USH2A: variants seen among roughly 807,000 people sequenced by gnomAD.
The protein encoded by USH2A is Usher syndrome 2A (autosomal recessive, mild).
USH2A carries 443 observed loss-of-function variants against 538.9 expected under a neutral mutation model. The ratio of observed to expected loss-of-function variants is 0.82; its 90% CI spans 0.76 to 0.89. The LOEUF (loss-of-function observed/expected upper bound fraction) is 0.89, where lower values mean the gene tolerates loss of function less well. USH2A is among the 40% of genes least tolerant of loss of function. The probability of loss-of-function intolerance (pLI) is 0.00; values close to 1 mark genes in which losing one functional copy is unlikely to be tolerated. For missense variants in USH2A, 6,633 were observed against 6,324.8 expected (o/e 1.05, Z -1.65); for synonymous variants, 2,413 against 2,273.5 (o/e 1.06, Z -1.75).
chr1:216,239,999 A>G (rs1346266223), intron 13 of USH2A, among the ~76,000 whole-genome samples: 1 of 117,398 alleles, frequency 8.5e-6, no homozygotes, highest in Non-Finnish European at 1.7e-5. Context: ...TGAAATCCCC[A>G]GAGATGAAAT....
intron 4 of USH2A, among the ~76,000 whole-genome samples, chr1:216,360,123 C>G (rs2038463497): frequency 6.6e-6 from 1 of 152,210 alleles, no homozygotes; most frequent in South Asian, 2.1e-4. Context: ...TTTATAGCAA[C>G]TTTACTCATA....
At chr1:216,226,303 T>G (rs1335208546) in intron 14 of USH2A, among the ~76,000 whole-genome samples, 1 of 152,208 alleles carries the variant, frequency 6.6e-6, no homozygotes, top group Non-Finnish European at 1.5e-5. Context: ...TACTTTACAT[T>G]GCAAAATACA....
At chr1:215,690,760 A>G (rs1468758002) in intron 61 of USH2A, among the ~76,000 whole-genome samples, 1 of 151,864 alleles carries the variant, frequency 6.6e-6, no homozygotes, top group Admixed American at 6.6e-5. Flanking sequence ...TCTACTCATT[A>G]GGAAATAGGA....
In USH2A at chr1:215,775,610, C is replaced by T. The variant is rs115153373; in HGVS notation, c.10939+4233G>A. ...TTAGAATAAAATGTGATAATTACTA[C>T]GAGAGCAAAGATAATATGGGAACAC... On this transcript the variant is annotated intron_variant, in intron 55 of 71. Coordinates refer to ENST00000307340, the MANE Select transcript of USH2A (RefSeq NM_206933.4). Among the ~76,000 whole-genome samples, 1,017 of 152,204 alleles carry T rather than the reference C, an allele frequency of 6.7e-3. 7 individuals carry two copies. The highest frequency in any genetic ancestry group is 0.023 in the African/African-American group (957 of 41,522).
chr1:216,307,300 G>T (rs943208330), intron 9 of USH2A, among the ~76,000 whole-genome samples: 10 of 152,034 alleles, frequency 6.6e-5, no homozygotes, highest in African/African-American at 2.4e-4. Context: ...TTTCTAGGGG[G>T]ATTATGGCTG....
chr1:215,908,927 C>T (rs1295402809), intron 38 of USH2A, among the ~76,000 whole-genome samples: 1 of 150,812 alleles, frequency 6.6e-6, no homozygotes, highest in African/African-American at 2.4e-5. Flanking sequence ...GAGTGGTCCA[C>T]TTCCCAGTAT....
chr1:216,235,609 C>T (rs2035794534), intron 13 of USH2A, among the ~76,000 whole-genome samples: 2 of 152,160 alleles, frequency 1.3e-5, no homozygotes. Flanking sequence ...AGCAAGGCAG[C>T]TGGTATTATC....
At chr1:215,694,878 G>A (rs891966579) in intron 61 of USH2A, among the ~76,000 whole-genome samples, 1 of 152,130 alleles carries the variant, frequency 6.6e-6, no homozygotes, top group Non-Finnish European at 1.5e-5. Flanking sequence ...ATCATCTCAA[G>A]AGAAAAATTC....
At chr1:216,177,659 T>A (rs2034416801) in intron 20 of USH2A, among the ~76,000 whole-genome samples, 1 of 152,122 alleles carries the variant, frequency 6.6e-6, no homozygotes, top group Non-Finnish European at 1.5e-5. Context: ...TTTCAGGTGG[T>A]GGGACACTGG....
At chr1:215,810,876 C>T (rs1222393637) in intron 49 of USH2A, among the ~76,000 whole-genome samples, 1 of 152,068 alleles carries the variant, frequency 6.6e-6, no homozygotes, top group Admixed American at 6.6e-5. Context: ...AGAACTTATT[C>T]AATTTTGAAA....
In USH2A at chr1:216,196,703, A is replaced by T. The variant is rs999749044; in HGVS notation, c.4101T>A (p.Pro1367=). ...ACGAAGAGAGGGGAAAGACTGAAGG[A>T]GGGATCATGAATACAGGTGCTATCA... ...TGESAPVFMI[P]PSVFPLSSYS... Residue 1367 remains proline (P), a synonymous_variant, in exon 19 of 72, where the codon CCT becomes CCA. Coordinates refer to ENST00000307340, the MANE Select transcript of USH2A (RefSeq NM_206933.4). 2 of 1,613,102 alleles carry T rather than the reference A, an allele frequency of 1.2e-6. No individual in the cohort carries two copies. Among genetic ancestry groups the T allele is most frequent in the Non-Finnish European group, 1.7e-6 (2 of 1,179,518 alleles).
intron 4 of USH2A, among the ~76,000 whole-genome samples, chr1:216,364,531 C>A (rs1343086836): frequency 6.6e-6 from 1 of 152,112 alleles, no homozygotes; most frequent in African/African-American, 2.4e-5. Context: ...GGGTGAGATC[C>A]TCCTGACTGT....
chr1:215,684,793 T>G (rs536308035), intron 61 of USH2A, among the ~76,000 whole-genome samples: 1 of 152,216 alleles, frequency 6.6e-6, no homozygotes, highest in Admixed American at 6.5e-5. Flanking sequence ...CTGAAATGGA[T>G]GAGTTTTGGC....
chr1:215,834,950 T>C (rs1443218287), intron 47 of USH2A, among the ~76,000 whole-genome samples: 1 of 151,932 alleles, frequency 6.6e-6, no homozygotes, highest in Non-Finnish European at 1.5e-5. Flanking sequence ...AAAGTTTCAA[T>C]TCAGCTTTTC....
At chr1:216,270,595 T>G (rs2036555782) in intron 11 of USH2A, among the ~76,000 whole-genome samples, 2 of 152,170 alleles carry the variant, frequency 1.3e-5, no homozygotes, top group Non-Finnish European at 2.9e-5. Context: ...CTACCACTTC[T>G]TCTTTCAGAA....
chr1:216,055,977 AC>A (rs1395442485), intron 30 of USH2A, among the ~76,000 whole-genome samples: 1 of 152,216 alleles, frequency 6.6e-6, no homozygotes, highest in Non-Finnish European at 1.5e-5. Flanking sequence ...GTTGATTCTT[AC>A]AAACAGGAAA....
intron 11 of USH2A, among the ~76,000 whole-genome samples, chr1:216,275,201 G>A (rs2036649489): frequency 6.6e-6 from 1 of 151,984 alleles, no homozygotes. Flanking sequence ...AAGCTATAAT[G>A]TGTAAAAGAT....
At chr1:215,870,495 T>C (rs900196903) in intron 43 of USH2A, among the ~76,000 whole-genome samples, 11 of 148,242 alleles carry the variant, frequency 7.4e-5, no homozygotes, top group Non-Finnish European at 1.5e-5. Flanking sequence ...CGGGGTTTCA[T>C]CGTGTTAGCC....
At chr1:216,272,358 G>A (rs1408811479) in intron 11 of USH2A, among the ~76,000 whole-genome samples, 2 of 151,974 alleles carry the variant, frequency 1.3e-5, no homozygotes, top group Admixed American at 6.6e-5. Context: ...GGTAATTTGT[G>A]TTTTTGATGT....
Sources: allele counts gnomAD v4.1 joint callset (sites outside exome capture counted in the v4.1 genomes callset), GRCh38; gene constraint gnomAD v4.1.1; transcripts MANE v1.5; gene names NCBI Gene and HGNC (gene_info 2026-07-23, HGNC 2026-07-21).